MARK1: variants seen among roughly 807,000 people sequenced by gnomAD.
MARK1 encodes microtubule affinity regulating kinase 1, also known as serine/threonine-protein kinase MARK1.
MARK1 carries 40 observed loss-of-function variants against 96.3 expected under a neutral mutation model. The observed-to-expected ratio is 0.42, with a 90% CI of 0.32 to 0.54. The LOEUF (loss-of-function observed/expected upper bound fraction) is 0.54. Ranked by LOEUF, MARK1 falls within the 20% of genes least tolerant of loss-of-function variation. MARK1 has a pLI of 0.16. For missense variants in MARK1, 719 were observed against 984.6 expected (o/e 0.73, Z 3.61); for synonymous variants, 317 against 341.2 (o/e 0.93, Z 0.78).
At chr1:220,585,995 A>ACG (rs1424781568) in intron 3 of MARK1, among the ~76,000 whole-genome samples, 1,095 of 23,488 alleles carry the variant, frequency 0.047, 14 homozygotes, top group African/African-American at 0.056. Context: ...ACACACACAC[A>ACG]CACACACACA....
chr1:220,556,504 A>AAC (rs1396807614), intron 1 of MARK1, among the ~76,000 whole-genome samples: 3 of 101,408 alleles, frequency 3.0e-5, no homozygotes, highest in African/African-American at 8.1e-5. Context: ...AAAAAAAAAA[A>AAC]AACAAATTAC....
chr1:220,630,474 A>T lies in MARK1; in HGVS notation c.910-561A>T, dbSNP rs190010826. 1.6e-3 allele frequency among the ~76,000 whole-genome samples: 238 copies of T among 152,234 alleles called. 3 individuals are homozygous for T. Among genetic ancestry groups the T allele is most frequent in the Non-Finnish European group, 1.6e-3 (106 of 68,002 alleles). ...GCCTTAGCTTAATCTGACTCTGGTA[A>T]TTCACATCAACCCCAGCTTGATTCT... is the stretch of plus-strand genomic sequence containing the variant. On this transcript the variant is annotated intron_variant, in intron 9 of 17. Coordinates refer to ENST00000366917, the MANE Select transcript of MARK1 (RefSeq NM_018650.5).
chr1:220,605,220 T>A (rs1665996871), intron 6 of MARK1, among the ~76,000 whole-genome samples: 1 of 152,200 alleles, frequency 6.6e-6, no homozygotes. Context: ...TTATTAATGT[T>A]TCACAGAATT....
intron 9 of MARK1, among the ~76,000 whole-genome samples, chr1:220,624,708 A>G (rs994493458): frequency 1.3e-5 from 2 of 152,210 alleles, no homozygotes; most frequent in African/African-American, 4.8e-5. Context: ...TGACAGGAAC[A>G]TATGGATATG....
intron 6 of MARK1, among the ~76,000 whole-genome samples, chr1:220,611,921 T>C (rs1389805693): frequency 6.6e-6 from 1 of 151,858 alleles, no homozygotes. Context: ...TTAGTAGAGA[T>C]GGGGTTTCAG....
At chr1:220,652,316 G>A (rs537758224) in intron 15 of MARK1, among the ~76,000 whole-genome samples, 166 bp downstream of exon 15, 8 of 152,288 alleles carry the variant, frequency 5.3e-5, no homozygotes, top group Admixed American at 3.3e-4. Flanking sequence ...ATGTACTTTG[G>A]CTGTTATTGG....
chr1:220,587,400 C>T (rs1190266470), intron 3 of MARK1, among the ~76,000 whole-genome samples: 6 of 149,324 alleles, frequency 4.0e-5, no homozygotes, highest in African/African-American at 1.5e-4. Flanking sequence ...CGGAGTTTCA[C>T]TCTTGTTGCC....
At chr1:220,650,556 C>G (rs1572235900) in intron 13 of MARK1, 64 bp from the exon 14 acceptor site, 1 of 1,040,968 alleles carries the variant, frequency 9.6e-7, no homozygotes, top group East Asian at 2.4e-5. Context: ...AGCTTAAATA[C>G]ATTTCTTTGG....
Position 220,579,420 on chromosome 1 carries a change from A to C in MARK1, c.118A>C (p.Ile40Leu), listed in dbSNP as rs1290500181. The change falls in exon 2 of 18, where the codon ATC (isoleucine) becomes CTC (leucine). Residue 40 changes from isoleucine to leucine, a missense_variant. Transcript: ENST00000366917. ...TACCAAGTCGAGTAGCAGACAGAAC[A>C]TCCCCCGGTGTAGAAACTCCATTAC... ...QPTKSSSRQN[I>L]PRCRNSITSA... The C allele has an allele frequency of 1.2e-6, 2 of 1,614,070 alleles. No individual in the cohort carries two copies. Among genetic ancestry groups the C allele is most frequent in the Non-Finnish European group, 1.7e-6 (2 of 1,179,968 alleles).
rs562472423 is a variant in MARK1 at position 220,629,450 on chromosome 1, G to A, written c.910-1585G>A. ...TGTGTATCACAGTGTCGTTAACTATGTGTACATTGTTGTACAACAGATCTC... is the reference window on the plus strand; with the variant it reads ...TGTGTATCACAGTGTCGTTAACTATATGTACATTGTTGTACAACAGATCTC... On this transcript the variant is annotated intron_variant, in intron 9 of 17. Transcript: ENST00000366917. 1.1e-4 allele frequency among the ~76,000 whole-genome samples: 16 copies of A among 149,086 alleles called. No individual in the cohort carries two copies. The South Asian group carries it at 3.2e-3, about 30-fold the overall frequency.
intron 13 of MARK1, among the ~76,000 whole-genome samples, chr1:220,642,777 C>T (rs1558318493): frequency 6.6e-6 from 1 of 152,190 alleles, no homozygotes; most frequent in Non-Finnish European, 1.5e-5. Flanking sequence ...AAAGAGCAGA[C>T]AGCAATCTGC....
intron 1 of MARK1, among the ~76,000 whole-genome samples, chr1:220,540,564 C>A (rs748941051): frequency 3.3e-5 from 5 of 152,162 alleles, no homozygotes; most frequent in Non-Finnish European, 5.9e-5. Context: ...AATTAACTAT[C>A]ACGGTAAGTT....
chr1:220,595,355 C>T (rs9430949), intron 3 of MARK1, among the ~76,000 whole-genome samples: 62,988 of 152,022 alleles, frequency 0.41, 14,287 homozygotes, highest in African/African-American at 0.6. Context: ...ATCAGTAGCA[C>T]GCTAATAGCT....
intron 1 of MARK1, among the ~76,000 whole-genome samples, chr1:220,566,104 A>G (rs567304041): frequency 3.3e-5 from 5 of 152,344 alleles, no homozygotes; most frequent in African/African-American, 9.6e-5. Flanking sequence ...CAGTTTCTCA[A>G]GCTTACAGTT....
chr1:220,648,805 G>T (rs1668715720), intron 13 of MARK1, among the ~76,000 whole-genome samples: 1 of 152,166 alleles, frequency 6.6e-6, no homozygotes, highest in South Asian at 2.1e-4. Context: ...CAGCTTTTCA[G>T]TAATCCTGTG....
chr1:220,661,887 A>T lies in MARK1; in HGVS notation c.2109A>T (p.Thr703=). 1 of 1,614,236 alleles carries T rather than the reference A, an allele frequency of 6.2e-7. No individual in the cohort carries two copies. Among genetic ancestry groups the T allele is most frequent in the Non-Finnish European group, 8.5e-7 (1 of 1,180,038 alleles). The change falls in exon 18 of 18, where the codon ACA becomes ACT. Residue 703 remains threonine (T), a synonymous_variant. Transcript: ENST00000366917. ...CTAAGCCGCGTTCTTTGCGGTTCAC[A>T]TGGAGTATGAAGACCACTAGTTCAA... ...KDSKPRSLRF[T]WSMKTTSSMD...
At chr1:220,571,142 G>C (rs1208802511) in intron 1 of MARK1, among the ~76,000 whole-genome samples, 1 of 152,154 alleles carries the variant, frequency 6.6e-6, no homozygotes, top group Non-Finnish European at 1.5e-5. Flanking sequence ...TAAAGAACCA[G>C]ATAAAATAAT....
chr1:220,639,029 AG>A (rs1317705352), intron 13 of MARK1, among the ~76,000 whole-genome samples: 2 of 152,184 alleles, frequency 1.3e-5, no homozygotes, highest in Non-Finnish European at 2.9e-5. Flanking sequence ...GGCTTGCTTG[AG>A]GCCAGGAGTT....
intron 1 of MARK1, among the ~76,000 whole-genome samples, chr1:220,544,414 T>C (rs1023716819): frequency 6.6e-6 from 1 of 152,214 alleles, no homozygotes; most frequent in African/African-American, 2.4e-5. Flanking sequence ...TGGGTTGTTA[T>C]AAAGCAAGCC....
Sources: gnomAD v4.1 joint callset for allele counts (sites outside exome capture counted in the v4.1 genomes callset) on GRCh38, gnomAD v4.1.1 for gene constraint, MANE v1.5 for transcripts, NCBI Gene and HGNC (gene_info 2026-07-23, HGNC 2026-07-21) for gene names.